The following PARP4 variants were observed in gnomAD, a reference collection of about 807,000 sequenced individuals.
PARP4 encodes the protein poly(ADP-ribose) polymerase family member 4.
A neutral mutation model predicts 187.7 loss-of-function variants in PARP4; 120 were observed. That is an observed-to-expected ratio of 0.64 (90% CI 0.55 to 0.74). The LOEUF (loss-of-function observed/expected upper bound fraction) is 0.74. Among genes scored for constraint, PARP4 ranks in the 30% least tolerant of loss-of-function variants. PARP4 has a pLI of 0.00. For synonymous variants in PARP4, 654 were observed against 740.9 expected (o/e 0.88, Z 1.90); for missense variants, 1,836 against 2,070.5 (o/e 0.89, Z 2.20).
At chr13:24,469,354 A>G (rs1872634560) in intron 16 of PARP4, among the ~76,000 whole-genome samples, 1 of 152,238 alleles carries the variant, frequency 6.6e-6, no homozygotes, top group South Asian at 2.1e-4. Flanking sequence ...CAATAGTGAA[A>G]AAAATTTTTC....
chr13:24,466,212 T>G (rs1021465681), intron 17 of PARP4, among the ~76,000 whole-genome samples: 1 of 152,170 alleles, frequency 6.6e-6, no homozygotes, highest in African/African-American at 2.4e-5. Context: ...TGAGACAGGG[T>G]CTCGCTTTGT....
chr13:24,486,882 G>T (rs919639468), intron 10 of PARP4, among the ~76,000 whole-genome samples: 1 of 151,192 alleles, frequency 6.6e-6, no homozygotes, highest in Non-Finnish European at 1.5e-5. Flanking sequence ...AACCCGGGGC[G>T]GGGGGTGGTG....
chr13:24,488,868 G>T (rs781256572), intron 10 of PARP4, among the ~76,000 whole-genome samples: 24 of 152,222 alleles, frequency 1.6e-4, no homozygotes, highest in Non-Finnish European at 2.6e-4. Context: ...TGTCTCCGTG[G>T]ATTTATCTAT....
At position 24,435,092 on chromosome 13, in the gene PARP4, A is replaced by C; in HGVS notation, c.4049T>G (p.Phe1350Cys). 2.5e-6 allele frequency: 4 copies of C among 1,614,222 alleles called. No homozygotes were observed. The highest frequency in any genetic ancestry group is 3.4e-6 in the Non-Finnish European group (4 of 1,180,046). ...CTGTCTGGGAGGAGCAGCTGAACCG[A>C]AACTAGCTACCTGACGATATGAGGC... ...SFASYRQVASFGSAAPPRQFD... is the reference protein window; with the variant it reads ...SFASYRQVASCGSAAPPRQFD... Residue 1350 changes from phenylalanine (F) to cysteine (C), a missense_variant, in exon 31 of 34, where the codon TTC becomes TGC. Phe to Cys is a radical substitution (Grantham distance 205). This residue lies in a region of PARP4 where 450 missense variants were observed against 439.2 expected (regional missense o/e 1.02). Transcript: ENST00000381989.
intron 33 of PARP4, among the ~76,000 whole-genome samples, 160 bp from the exon 34 acceptor site, chr13:24,421,474 G>A (rs528718215): frequency 2.6e-5 from 4 of 152,352 alleles, no homozygotes; most frequent in East Asian, 1.9e-4. Context: ...TCTTCTGCCC[G>A]TCTGACCTTG....
In PARP4 at chr13:24,501,684, A is replaced by T; in HGVS notation, c.283T>A (p.Tyr95Asn). The T allele has an allele frequency of 6.2e-7, 1 of 1,613,578 alleles. No individual in the cohort carries two copies. Among genetic ancestry groups the T allele is most frequent in the Non-Finnish European group, 8.5e-7 (1 of 1,179,532 alleles). Residue 95 changes from tyrosine (Y) to asparagine (N), a missense_variant, in exon 3 of 34, where the codon TAT becomes AAT. This residue lies in a region of PARP4 where 1,147 missense variants were observed against 1,214.2 expected (regional missense o/e 0.94). Coordinates refer to ENST00000381989, the MANE Select transcript of PARP4 (RefSeq NM_006437.4). ...RLLDVKNYDPYKPLDITPPPD... is the reference protein window; with the variant it reads ...RLLDVKNYDPNKPLDITPPPD... ...GGTGGTGTGATGTCCAGGGGCTTAT[A>T]AGGATCATAATTCTTTACATCCAAG...
chr13:24,477,758 C>T lies in PARP4; in HGVS notation c.1732G>A (p.Asp578Asn). 6.3e-7 allele frequency: 1 copy of T among 1,591,608 alleles called. No individual in the cohort carries two copies. The highest frequency in any genetic ancestry group is 8.6e-7 in the Non-Finnish European group (1 of 1,165,664). ...CTGTATTCCTCTAATTCAGTATGAT[C>T]ACTAGGATGAAAGTCCTTTATCTGA... ...GDQIKDFHPS[D>N]HTELEEYRPE... is the part of the protein sequence containing the mutation. Residue 578 changes from aspartate to asparagine, a missense_variant, in exon 14 of 34, where the codon GAT becomes AAT. Coordinates refer to ENST00000381989, the MANE Select transcript of PARP4 (RefSeq NM_006437.4).
At chr13:24,440,587 T>C (rs1870874889) in intron 30 of PARP4, among the ~76,000 whole-genome samples, 1 of 151,976 alleles carries the variant, frequency 6.6e-6, no homozygotes, top group South Asian at 2.1e-4. Flanking sequence ...GTTGGAATGG[T>C]CTTAGAACTC....
intron 15 of PARP4, 145 bp downstream of exon 15, chr13:24,475,327 G>T: frequency 1.3e-6 from 1 of 745,184 alleles, no homozygotes; most frequent in Non-Finnish European, 2.2e-6. Context: ...CTAGTCCCTG[G>T]CATGGAGTGC....
intron 32 of PARP4, among the ~76,000 whole-genome samples, chr13:24,430,100 A>G (rs1032123911): frequency 1.2e-4 from 19 of 152,220 alleles, no homozygotes; most frequent in Non-Finnish European, 2.5e-4. Flanking sequence ...TTCAAAGTTA[A>G]TAACTGTTAT....
chr13:24,459,038 A>G lies in PARP4; in HGVS notation c.2424+6T>C, dbSNP rs376625242. The stretch of plus-strand genomic sequence containing the variant: ...ACAGCTCTTAAGAAATCAAAGATGC[A>G]CTAACCTTTTGTTTCAGTTCATGTG... On this transcript the variant is annotated splice_donor_region_variant and intron_variant, in intron 20 of 33. Coordinates refer to ENST00000381989, the MANE Select transcript of PARP4 (RefSeq NM_006437.4). 4 of 1,576,580 alleles carry G rather than the reference A, an allele frequency of 2.5e-6. No homozygotes were observed. The African/African-American group carries it at 5.4e-5, about 21-fold the overall frequency.
At chr13:24,463,749 C>G (rs990508258) in intron 17 of PARP4, among the ~76,000 whole-genome samples, 2 of 152,130 alleles carry the variant, frequency 1.3e-5, no homozygotes, top group Non-Finnish European at 2.9e-5. Flanking sequence ...GACAAGGATG[C>G]CCTCTCTCAC....
intron 17 of PARP4, 44 bp downstream of exon 17, chr13:24,468,980 C>T: frequency 7.9e-7 from 1 of 1,267,074 alleles, no homozygotes; most frequent in Non-Finnish European, 1.2e-6. Context: ...TTCTAACTCT[C>T]TTTCCCTCTC....
At chr13:24,437,518 T>TA (rs957685380) in intron 30 of PARP4, among the ~76,000 whole-genome samples, 2 of 151,166 alleles carry the variant, frequency 1.3e-5, no homozygotes, top group East Asian at 1.9e-4. Flanking sequence ...CTAAGATAAA[T>TA]AAAAAAATGA....
intron 12 of PARP4, among the ~76,000 whole-genome samples, chr13:24,478,735 A>G (rs1195266595): frequency 6.6e-6 from 1 of 152,110 alleles, no homozygotes; most frequent in African/African-American, 2.4e-5. Flanking sequence ...TGCCTGGCCT[A>G]TTTCGCATTT....
At chr13:24,423,709 G>A (rs544121981) in intron 33 of PARP4, among the ~76,000 whole-genome samples, 13 of 151,450 alleles carry the variant, frequency 8.6e-5, no homozygotes, top group East Asian at 5.9e-4. Context: ...ACAGGGTCTC[G>A]CTTTGTTGCC....
chr13:24,437,627 T>C (rs938854088), intron 30 of PARP4, among the ~76,000 whole-genome samples: 21 of 152,134 alleles, frequency 1.4e-4, no homozygotes, highest in African/African-American at 3.4e-4. Flanking sequence ...TCTTCATTCA[T>C]AAAGAAACAA....
intron 27 of PARP4, among the ~76,000 whole-genome samples, chr13:24,445,070 C>T (rs1293991604): frequency 2.0e-5 from 3 of 152,178 alleles, no homozygotes; most frequent in African/African-American, 7.2e-5. Flanking sequence ...CCCCACCTCC[C>T]CCAGGAGCCC....
intron 15 of PARP4, among the ~76,000 whole-genome samples, chr13:24,470,857 A>C (rs1297387001): frequency 2.0e-5 from 3 of 149,934 alleles, no homozygotes; most frequent in Non-Finnish European, 4.4e-5. Context: ...TTTTTCAAGG[A>C]GTCCTTGTTA....
Sources: allele counts gnomAD v4.1 joint callset (sites outside exome capture counted in the v4.1 genomes callset), GRCh38; gene constraint gnomAD v4.1.1; regional missense constraint gnomAD v4.1.1; transcripts MANE v1.5; gene names NCBI Gene and HGNC (gene_info 2026-07-23, HGNC 2026-07-21).